Variants in LGR6 observed in about 807,000 individuals in gnomAD.
LGR6 encodes leucine rich repeat containing G protein-coupled receptor 6, also known as leucine-rich repeat-containing G protein-coupled receptor 6.
A neutral mutation model predicts 69.4 loss-of-function variants in LGR6; 45 were observed. The ratio of observed to expected loss-of-function variants is 0.65; its 90% CI spans 0.51 to 0.83. The LOEUF (loss-of-function observed/expected upper bound fraction) is 0.83, where lower values mean the gene tolerates loss of function less well. Among genes scored for constraint, LGR6 ranks in the 40% least tolerant of loss-of-function variants. The pLI, the probability that LGR6 is intolerant of heterozygous loss-of-function variation, is 0.00. For missense variants in LGR6, 1,108 were observed against 1,246.7 expected, an observed-to-expected ratio of 0.89 and a Z score of 1.68; for synonymous variants, 538 against 555.0, an observed-to-expected ratio of 0.97 and a Z score of 0.43.
Position 202,318,357 on chromosome 1 carries a change from G to A in LGR6, c.2054G>A (p.Ser685Asn). 1 of 1,599,742 alleles carries A rather than the reference G, an allele frequency of 6.3e-7. No individual in the cohort carries two copies. The highest frequency in any genetic ancestry group is 8.5e-7 in the Non-Finnish European group (1 of 1,172,902). The change falls in exon 18 of 18, where the codon AGC becomes AAC. Residue 685 changes from serine (S) to asparagine (N), a missense_variant. Transcript: ENST00000367278. The stretch of plus-strand genomic sequence containing the variant: ...TATGGGAAGTCCCCCTCCCTGGGCA[G>A]CGTTCGAGCAGGGGTCCTAGGCTGC... ...RAYGKSPSLG[S>N]VRAGVLGCLA...
chr1:202,205,440 C>T (rs934332582), intron 1 of LGR6, among the ~76,000 whole-genome samples: 169 of 146,324 alleles, frequency 1.2e-3, no homozygotes, highest in East Asian at 2.2e-3. Flanking sequence ...CACACACCTC[C>T]TTCAAACACA....
intron 14 of LGR6, among the ~76,000 whole-genome samples, chr1:202,307,862 G>A (rs143366606): frequency 1.6e-3 from 238 of 152,284 alleles, no homozygotes; most frequent in Non-Finnish European, 2.7e-3. Flanking sequence ...AAATTACATA[G>A]GATGTAAACA....
At chr1:202,218,534 C>T (rs1659935783) in intron 1 of LGR6, among the ~76,000 whole-genome samples, 1 of 152,092 alleles carries the variant, frequency 6.6e-6, no homozygotes, top group Admixed American at 6.5e-5. Context: ...TTGATGGTCA[C>T]AATAATAGGG....
chr1:202,240,375 G>GA lies in LGR6; in HGVS notation c.428+4397dup, dbSNP rs1238580002. Among the ~76,000 whole-genome samples the GA allele has an allele frequency of 7.8e-3, 820 of 104,942 alleles. 1 individual carries two copies. Among genetic ancestry groups the GA allele is most frequent in the Middle Eastern group, 0.016 (3 of 190 alleles). The allele number at this position is 104,942 out of a possible 152,430, so 68.8% of individuals were successfully genotyped here. ...GGCAACAGAGCAAGACTCCATCTCA[G>GA]AAAAAAAAAAAAAAACGACATGAAA... On this transcript the variant is annotated intron_variant, in intron 4 of 17. Coordinates refer to ENST00000367278, the MANE Select transcript of LGR6 (RefSeq NM_001017403.2).
intron 1 of LGR6, chr1:202,197,125 C>T: frequency 1.9e-6 from 1 of 530,136 alleles, no homozygotes; most frequent in Non-Finnish European, 3.9e-6. Context: ...ACCCGCAAGT[C>T]CTCTTGCACA....
intron 4 of LGR6, among the ~76,000 whole-genome samples, chr1:202,258,314 A>G (rs919273609): frequency 1.6e-4 from 25 of 152,060 alleles, no homozygotes; most frequent in Non-Finnish European, 3.2e-4. Flanking sequence ...CTTTAGTTTT[A>G]TTTTATGAAG....
In LGR6 at chr1:202,245,508, TG is replaced by T. The variant is rs556665895; in HGVS notation, c.428+9516del. Among the ~76,000 whole-genome samples the T allele has an allele frequency of 6.5e-3, 985 of 152,166 alleles. 8 individuals are homozygous for T. Among genetic ancestry groups the T allele is most frequent in the African/African-American group, 0.022 (903 of 41,504 alleles). The stretch of plus-strand genomic sequence containing the variant: ...GTGCGGGAACACCTCAGCTCAGACT[TG>T]TGGGGCTCCTCAGCCTTCCTGCTAG... On this transcript the variant is annotated intron_variant, in intron 4 of 17. Coordinates refer to ENST00000367278, the MANE Select transcript of LGR6 (RefSeq NM_001017403.2).
chr1:202,205,969 A>AACACACACACACACACACACAC (rs10522754), intron 1 of LGR6, among the ~76,000 whole-genome samples: 226 of 149,098 alleles, frequency 1.5e-3, no homozygotes, highest in African/African-American at 5.5e-3. Flanking sequence ...ACAGACACAC[A>AACACACACACACACACACACAC]ACACACACAC....
At chr1:202,295,153 C>T (rs1192944785) in intron 6 of LGR6, among the ~76,000 whole-genome samples, 1 of 151,930 alleles carries the variant, frequency 6.6e-6, no homozygotes, top group Non-Finnish European at 1.5e-5. Context: ...CATGGTGAAA[C>T]CCCATCTCTA....
At chr1:202,300,433 C>A (rs1324163895) in intron 7 of LGR6, among the ~76,000 whole-genome samples, 1 of 152,148 alleles carries the variant, frequency 6.6e-6, no homozygotes, top group Non-Finnish European at 1.5e-5. Context: ...ACAGGAGGAT[C>A]ACTTTAGCCC....
chr1:202,267,393 A>G (rs553381380), intron 4 of LGR6, among the ~76,000 whole-genome samples: 1 of 152,306 alleles, frequency 6.6e-6, no homozygotes, highest in East Asian at 1.9e-4. Context: ...CCCTTTGGCT[A>G]CAGCCCCAGT....
In LGR6 at chr1:202,194,071, C is replaced by G. The variant is rs780714353; in HGVS notation, c.82C>G (p.Pro28Ala). 13 of 1,452,324 alleles carry G rather than the reference C, an allele frequency of 9.0e-6. No homozygotes were observed. Among genetic ancestry groups the G allele is most frequent in the Admixed American group, 5.2e-5 (2 of 38,404 alleles). The allele number at this position is 1,452,324 out of a possible 1,614,324, so 90.0% of individuals were successfully genotyped here. ...CCGGAGGGCCGGCGGCGCCCCCCAG[C>G]CCGGCCCGGGGCCCACCGCCTGCCC... ...ASRRAGGAPQPGPGPTACPAP... is the reference protein window; with the variant it reads ...ASRRAGGAPQAGPGPTACPAP... Residue 28 changes from proline (P) to alanine (A), a missense_variant, in exon 1 of 18, where the codon CCC becomes GCC. Transcript: ENST00000367278.
chr1:202,214,191 G>A (rs1231201041), intron 1 of LGR6: 1 of 1,536,138 alleles, frequency 6.5e-7, no homozygotes, highest in South Asian at 1.2e-5. Context: ...AGCGAGGGCG[G>A]GACAGAACCT....
intron 7 of LGR6, among the ~76,000 whole-genome samples, chr1:202,297,882 C>T (rs1667279935): frequency 6.6e-6 from 1 of 152,212 alleles, no homozygotes; most frequent in African/African-American, 2.4e-5. Context: ...CTGGCACTGC[C>T]CTTGCCTTGG....
intron 1 of LGR6, among the ~76,000 whole-genome samples, chr1:202,199,021 A>G (rs1320419126): frequency 6.6e-5 from 10 of 152,146 alleles, no homozygotes; most frequent in Non-Finnish European, 1.0e-4. Flanking sequence ...TCAGTCTCTC[A>G]GTTGCTATGA....
intron 1 of LGR6, among the ~76,000 whole-genome samples, chr1:202,204,930 CACCTCCTTCA>C (rs1307115269): frequency 2.2e-5 from 1 of 45,634 alleles, no homozygotes; most frequent in Non-Finnish European, 4.3e-5. Flanking sequence ...ACCTAACACA[CACCTCCTTCA>C]AGCACACACA....
At chr1:202,234,736 G>A (rs1661381036) in intron 3 of LGR6, among the ~76,000 whole-genome samples, 2 of 152,164 alleles carry the variant, frequency 1.3e-5, no homozygotes, top group Admixed American at 6.5e-5. Context: ...ACCAGGACCT[G>A]GCACATTAGC....
chr1:202,210,499 G>A (rs1231302093), intron 1 of LGR6, among the ~76,000 whole-genome samples: 1 of 151,816 alleles, frequency 6.6e-6, no homozygotes, highest in African/African-American at 2.4e-5. Flanking sequence ...AGGGAGGGCA[G>A]CCCTCTTCAG....
At chr1:202,316,497 T>C (rs1233906580) in intron 17 of LGR6, among the ~76,000 whole-genome samples, 2 of 152,162 alleles carry the variant, frequency 1.3e-5, no homozygotes, top group East Asian at 3.8e-4. Context: ...CATTCCCACA[T>C]TGGGGGATTC....
Sources: allele counts gnomAD v4.1 joint callset (sites outside exome capture counted in the v4.1 genomes callset), GRCh38; gene constraint gnomAD v4.1.1; transcripts MANE v1.5; gene names NCBI Gene and HGNC (gene_info 2026-07-23, HGNC 2026-07-21).